Variants in PAX5 observed in about 807,000 individuals in gnomAD.
The protein encoded by PAX5 is paired box 5.
In PAX5, 9 loss-of-function variants were observed where a neutral mutation model predicts 43.7. That is an observed-to-expected ratio of 0.21 (90% CI 0.12 to 0.36). PAX5 has a LOEUF of 0.36. Among genes scored for constraint, PAX5 ranks in the 10% least tolerant of loss-of-function variants. PAX5 has a pLI of 1.00. For missense variants in PAX5, 383 were observed against 532.7 expected, an observed-to-expected ratio of 0.72 and a Z score of 2.77; for synonymous variants, 228 against 214.3, an observed-to-expected ratio of 1.06 and a Z score of -0.56.
At chr9:36,861,912 A>G (rs1372901069) in intron 8 of PAX5, among the ~76,000 whole-genome samples, 1 of 152,200 alleles carries the variant, frequency 6.6e-6, no homozygotes, top group Non-Finnish European at 1.5e-5. Context: ...AGACCAGGAA[A>G]GAGGCTGTTG....
chr9:37,024,254 T>A (rs557407984), intron 1 of PAX5, among the ~76,000 whole-genome samples: 238 of 151,954 alleles, frequency 1.6e-3, no homozygotes, highest in African/African-American at 5.6e-3. Context: ...CTGATGAAAA[T>A]GATGAGCCTG....
intron 8 of PAX5, among the ~76,000 whole-genome samples, chr9:36,854,221 G>A (rs760581166): frequency 1.3e-5 from 2 of 152,200 alleles, no homozygotes; most frequent in African/African-American, 4.8e-5. Flanking sequence ...AGGGATCGGC[G>A]GCTACCCGGG....
intron 7 of PAX5, among the ~76,000 whole-genome samples, chr9:36,917,299 G>A (rs1259303200): frequency 6.6e-6 from 1 of 152,104 alleles, no homozygotes; most frequent in Non-Finnish European, 1.5e-5. Context: ...TTCTAGATCA[G>A]TTCAACTCAA....
chr9:36,932,585 TA>T (rs1831218145), intron 6 of PAX5, among the ~76,000 whole-genome samples: 1 of 152,322 alleles, frequency 6.6e-6, no homozygotes, highest in African/African-American at 2.4e-5. Context: ...AGAGATTAAC[TA>T]TAAACCAGCA....
intron 5 of PAX5, among the ~76,000 whole-genome samples, chr9:36,977,960 GA>G (rs2132259720): frequency 6.6e-6 from 1 of 152,338 alleles, no homozygotes; most frequent in Non-Finnish European, 1.5e-5. Context: ...TGGAGGAGGG[GA>G]AAGGGAGTGA....
chr9:36,950,407 T>C (rs368603821), intron 6 of PAX5, among the ~76,000 whole-genome samples: 1 of 152,208 alleles, frequency 6.6e-6, no homozygotes, highest in South Asian at 2.1e-4. Context: ...CGTCACAGAA[T>C]GCCAAAGCTC....
chr9:36,974,511 G>C (rs1430780054), intron 5 of PAX5, among the ~76,000 whole-genome samples: 1 of 152,146 alleles, frequency 6.6e-6, no homozygotes, highest in Non-Finnish European at 1.5e-5. Flanking sequence ...GAGTCACTGA[G>C]GTCCCTCAGC....
At chr9:36,889,132 A>C (rs1827155529) in intron 7 of PAX5, among the ~76,000 whole-genome samples, 1 of 152,124 alleles carries the variant, frequency 6.6e-6, no homozygotes, top group African/African-American at 2.4e-5. Context: ...TTTACCCTGA[A>C]CCTGGGCCCC....
chr9:36,967,038 G>A (rs879788421), intron 5 of PAX5, among the ~76,000 whole-genome samples: 1 of 152,230 alleles, frequency 6.6e-6, no homozygotes, highest in Non-Finnish European at 1.5e-5. Flanking sequence ...CTGAGACCTA[G>A]AGAGATTTAT....
rs1821735872 is a variant in PAX5 at position 36,837,676 on chromosome 9, G to A, written c.*2884C>T. ...TGTGAGAACATCCGTGTGCATCCAT[G>A]TGCGCTTGTGCTTCCGCCTGGCAGC... On this transcript the variant is annotated 3_prime_UTR_variant, in exon 10 of 10. Transcript: ENST00000358127. The A allele has an allele frequency of 8.6e-6, 2 of 233,348 alleles. No homozygotes were observed. The highest frequency in any genetic ancestry group is 2.2e-5 in the African/African-American group (1 of 45,462). The allele number at this position is 233,348 out of a possible 1,614,324, so 14.5% of individuals were successfully genotyped here.
intron 8 of PAX5, among the ~76,000 whole-genome samples, chr9:36,852,569 C>T (rs1018802308): frequency 6.6e-6 from 1 of 152,208 alleles, no homozygotes; most frequent in Non-Finnish European, 1.5e-5. Flanking sequence ...ACCTCACCCT[C>T]ACAATAACCC....
chr9:36,924,675 A>G (rs1403758160), intron 6 of PAX5, among the ~76,000 whole-genome samples: 1 of 147,580 alleles, frequency 6.8e-6, no homozygotes, highest in Non-Finnish European at 1.5e-5. Flanking sequence ...AGCCATGATC[A>G]TGCCACTGTA....
At chr9:37,002,549 G>T in intron 5 of PAX5, 99 bp downstream of exon 5, 1 of 1,309,452 alleles carries the variant, frequency 7.6e-7, no homozygotes, top group Non-Finnish European at 1.1e-6. Flanking sequence ...TGCAGGTAAG[G>T]GGGGTGTTCG....
chr9:36,897,855 T>C (rs1384714920), intron 7 of PAX5, among the ~76,000 whole-genome samples: 1 of 152,270 alleles, frequency 6.6e-6, no homozygotes, highest in Non-Finnish European at 1.5e-5. Context: ...CAGCATCTTC[T>C]TGGGCTCTGC....
chr9:36,930,956 T>A, intron 6 of PAX5: 1 of 739,262 alleles, frequency 1.4e-6, no homozygotes, highest in Non-Finnish European at 2.1e-6. Flanking sequence ...TGCCATAGCA[T>A]GGAGGAGAAA....
rs145534912 is a variant in PAX5 at position 36,838,024 on chromosome 9, C to A, written c.*2536G>T. ...AGAAGTCTGTGCTGAAGACCCCTGA[C>A]CCCACCACTTCCTGCTAAATGGAGG... is the stretch of plus-strand genomic sequence containing the variant. On this transcript the variant is annotated 3_prime_UTR_variant, in exon 10 of 10. Coordinates refer to ENST00000358127, the MANE Select transcript of PAX5 (RefSeq NM_016734.3). The A allele has an allele frequency of 2.1e-4, 49 of 233,336 alleles. No individual in the cohort carries two copies. The highest frequency in any genetic ancestry group is 1.1e-3 in the African/African-American group (48 of 45,442). 14.5% of individuals were successfully genotyped at this position (233,336 alleles called of 1,614,324 possible).
intron 8 of PAX5, among the ~76,000 whole-genome samples, chr9:36,875,800 G>A (rs1224511638): frequency 6.6e-6 from 1 of 152,246 alleles, no homozygotes; most frequent in East Asian, 1.9e-4. Context: ...AAAAGCCAAG[G>A]AATGCCGGCA....
intron 1 of PAX5, among the ~76,000 whole-genome samples, chr9:37,027,405 C>T (rs1840508191): frequency 6.6e-6 from 1 of 152,352 alleles, no homozygotes; most frequent in East Asian, 1.9e-4. Flanking sequence ...CTACCTCGTG[C>T]CAACCAACTC....
At chr9:36,869,001 A>G (rs780522851) in intron 8 of PAX5, among the ~76,000 whole-genome samples, 3 of 152,186 alleles carry the variant, frequency 2.0e-5, no homozygotes, top group African/African-American at 7.2e-5. Flanking sequence ...GTTTGGCCCC[A>G]TTTGAGAACA....
Sources: allele counts gnomAD v4.1 joint callset (sites outside exome capture counted in the v4.1 genomes callset), GRCh38; gene constraint gnomAD v4.1.1; transcripts MANE v1.5; gene names NCBI Gene and HGNC (gene_info 2026-07-23, HGNC 2026-07-21).